XKR6: variants seen among roughly 807,000 people sequenced by gnomAD.
XKR6 encodes the protein XK related 6.
In XKR6, 22 loss-of-function variants were observed where a neutral mutation model predicts 56.7. That is an observed-to-expected ratio of 0.39 (90% confidence interval 0.28 to 0.55). XKR6 has a LOEUF of 0.55. Ranked by LOEUF, XKR6 falls within the 20% of genes least tolerant of loss-of-function variation. The pLI is 0.66. For missense variants in XKR6, 852 were observed against 889.0 expected, an observed-to-expected ratio of 0.96 and a Z score of 0.53; for synonymous variants, 524 against 387.8, an observed-to-expected ratio of 1.35 and a Z score of -4.13.
chr8:11,025,233 C>T (rs181648236), intron 1 of XKR6, among the ~76,000 whole-genome samples: 2 of 152,224 alleles, frequency 1.3e-5, no homozygotes, highest in Non-Finnish European at 2.9e-5. Flanking sequence ...CTCATGTCCG[C>T]CAGATTCATG....
intron 1 of XKR6, among the ~76,000 whole-genome samples, chr8:11,049,448 GC>G (rs1378981667): frequency 6.6e-6 from 1 of 152,096 alleles, no homozygotes; most frequent in African/African-American, 2.4e-5. Flanking sequence ...TGCTCCCTGC[GC>G]CTCTCTGCAG....
At chr8:11,052,270 G>C (rs1177322649) in intron 1 of XKR6, among the ~76,000 whole-genome samples, 1 of 152,144 alleles carries the variant, frequency 6.6e-6, no homozygotes, top group Non-Finnish European at 1.5e-5. Context: ...GCAGCTCAGA[G>C]GGGCCTCCCT....
chr8:11,156,240 T>G (rs779061149), intron 1 of XKR6, among the ~76,000 whole-genome samples: 7 of 152,196 alleles, frequency 4.6e-5, no homozygotes, highest in Non-Finnish European at 8.8e-5. Context: ...CCTTTGTCGG[T>G]TTTTCTCCCT....
chr8:11,066,318 G>A (rs1045668695), intron 1 of XKR6, among the ~76,000 whole-genome samples: 2 of 152,132 alleles, frequency 1.3e-5, no homozygotes, highest in African/African-American at 4.8e-5. Flanking sequence ...CAATTTTTCT[G>A]CCTCCCACCA....
chr8:11,111,647 A>C (rs1423443880), intron 1 of XKR6: 3 of 152,190 alleles, frequency 2.0e-5, no homozygotes, highest in African/African-American at 7.2e-5. Context: ...AAAACCTTCA[A>C]AAGATAACTG....
At chr8:11,130,003 T>G (rs1233379197) in intron 1 of XKR6, among the ~76,000 whole-genome samples, 1 of 152,152 alleles carries the variant, frequency 6.6e-6, no homozygotes, top group East Asian at 1.9e-4. Flanking sequence ...CCTATCACAT[T>G]TCTTACAGAG....
chr8:11,157,806 T>C (rs752611587), intron 1 of XKR6, among the ~76,000 whole-genome samples: 19 of 152,188 alleles, frequency 1.2e-4, no homozygotes, highest in Non-Finnish European at 2.5e-4. Flanking sequence ...TGAGCCACCA[T>C]GCCTGGCCAA....
intron 1 of XKR6, among the ~76,000 whole-genome samples, chr8:11,059,008 T>C (rs928063907): frequency 2.6e-5 from 4 of 152,182 alleles, no homozygotes; most frequent in Non-Finnish European, 5.9e-5. Flanking sequence ...AAACTGAAGC[T>C]CAGAAAGTTG....
chr8:11,004,567 T>G (rs959333588), intron 1 of XKR6, among the ~76,000 whole-genome samples: 4 of 152,182 alleles, frequency 2.6e-5, no homozygotes, highest in East Asian at 1.9e-4. Flanking sequence ...TTACAAAAAG[T>G]AGCAACTGCC....
intron 1 of XKR6, among the ~76,000 whole-genome samples, chr8:11,091,738 G>A (rs966255164): frequency 1.1e-4 from 16 of 152,226 alleles, no homozygotes; most frequent in African/African-American, 2.4e-4. Context: ...CCGTGGGGCC[G>A]GGTGAGTTAC....
At chr8:10,927,432 A>T (rs752968663) in intron 1 of XKR6, among the ~76,000 whole-genome samples, 5 of 152,050 alleles carry the variant, frequency 3.3e-5, no homozygotes, top group Non-Finnish European at 7.4e-5. Flanking sequence ...CAGGCCCCAG[A>T]CCGCAAACCT....
chr8:10,977,204 C>T (rs576434717), intron 1 of XKR6, among the ~76,000 whole-genome samples: 52 of 152,220 alleles, frequency 3.4e-4, no homozygotes, highest in African/African-American at 1.2e-3. Flanking sequence ...CAGGCCAGCA[C>T]CCTCATTTTA....
chr8:11,052,808 C>T (rs77968590), intron 1 of XKR6, among the ~76,000 whole-genome samples: 3,437 of 151,790 alleles, frequency 0.023, 53 homozygotes, highest in Non-Finnish European at 0.035. Context: ...CTAGAGGGCT[C>T]GTTAGGATTC....
intron 1 of XKR6, among the ~76,000 whole-genome samples, chr8:11,079,168 G>T (rs1800349611): frequency 6.6e-6 from 1 of 152,196 alleles, no homozygotes; most frequent in South Asian, 2.1e-4. Flanking sequence ...TGAAAAAGTG[G>T]CCTCTGGGCA....
intron 1 of XKR6, among the ~76,000 whole-genome samples, chr8:10,962,877 C>G (rs1230121016): frequency 6.6e-6 from 1 of 152,194 alleles, no homozygotes; most frequent in Non-Finnish European, 1.5e-5. Flanking sequence ...CCCGCCTCGG[C>G]CTCCCAAAGT....
intron 2 of XKR6, among the ~76,000 whole-genome samples, chr8:10,915,764 G>A (rs1338534465): frequency 6.6e-6 from 1 of 152,194 alleles, no homozygotes; most frequent in East Asian, 1.9e-4. Context: ...TCCTCAAAAT[G>A]AGAGGAGAAA....
At chr8:11,196,124 T>C (rs1045607178) in intron 1 of XKR6, among the ~76,000 whole-genome samples, 1 of 152,162 alleles carries the variant, frequency 6.6e-6, no homozygotes, top group Non-Finnish European at 1.5e-5. Context: ...AATCTCCTCA[T>C]TTGTAGGTAT....
At chr8:10,950,992 G>A (rs1199315438) in intron 1 of XKR6, among the ~76,000 whole-genome samples, 1 of 147,392 alleles carries the variant, frequency 6.8e-6, no homozygotes, top group African/African-American at 2.5e-5. Flanking sequence ...TTCCATCCAG[G>A]ACTGACTGTG....
At chr8:11,149,526 A>G (rs1801162575) in intron 1 of XKR6, among the ~76,000 whole-genome samples, 1 of 152,208 alleles carries the variant, frequency 6.6e-6, no homozygotes, top group South Asian at 2.1e-4. Context: ...CATATTTAAA[A>G]TCATACTGCA....
Sources: gnomAD v4.1 joint callset for allele counts (sites outside exome capture counted in the v4.1 genomes callset) on GRCh38, gnomAD v4.1.1 for gene constraint, MANE v1.5 for transcripts, NCBI Gene and HGNC (gene_info 2026-07-23, HGNC 2026-07-21) for gene names.